The following TASOR2 variants were observed in gnomAD, a reference collection of about 807,000 sequenced individuals.
The protein encoded by TASOR2 is transcription activation suppressor family member 2, also known as protein TASOR 2.
TASOR2 carries 84 observed loss-of-function variants against 199.5 expected under a neutral mutation model. That is an observed-to-expected ratio of 0.42 (90% CI 0.35 to 0.50). The LOEUF (loss-of-function observed/expected upper bound fraction) is 0.50, where lower values mean the gene tolerates loss of function less well. TASOR2 is among the 20% of genes least tolerant of loss of function. TASOR2 has a pLI of 0.02. For missense variants in TASOR2, 2,796 were observed against 2,835.9 expected (o/e 0.99, Z 0.32); for synonymous variants, 1,103 against 1,046.6 (o/e 1.05, Z -1.04).
intron 8 of TASOR2, 23 bp downstream of exon 9, chr10:5,724,556 ATAAT>A (rs776598455): frequency 9.3e-7 from 1 of 1,069,946 alleles, no homozygotes. Flanking sequence ...AATTTAAAAT[ATAAT>A]TATTATGTTT....
intron 10 of TASOR2, among the ~76,000 whole-genome samples, chr10:5,728,932 A>G (rs1391859093): frequency 6.7e-6 from 1 of 149,932 alleles, no homozygotes; most frequent in Non-Finnish European, 1.5e-5. Context: ...TTTGTTTTTT[A>G]GTTGTAAACT....
At chr10:5,735,252 C>A in intron 11 of TASOR2, 52 bp from the exon 13 acceptor site, 1 of 1,561,598 alleles carries the variant, frequency 6.4e-7, no homozygotes, top group South Asian at 1.2e-5. Context: ...AAAAGCTATG[C>A]TAAGTATCTG....
In TASOR2 at chr10:5,710,319, C is replaced by T. The variant is rs1030344251; in HGVS notation, c.-287-2504C>T. On this transcript the variant is annotated intron_variant, in intron 1 of 20. Transcript: ENST00000328090. The surrounding 1 kb of genome is among the most constrained non-coding windows in gnomAD (Gnocchi z 4.6). The stretch of plus-strand genomic sequence containing the variant: ...CAACTTTGTTTTTAACATACCTCTG[C>T]TAACCATAAAATCACTGCTTTTATG... 6.6e-6 allele frequency among the ~76,000 whole-genome samples: 1 copy of T among 152,060 alleles called. No individual in the cohort carries two copies. The highest frequency in any genetic ancestry group is 1.5e-5 in the Non-Finnish European group (1 of 67,962).
chr10:5,730,938 G>A lies in TASOR2; in HGVS notation c.939G>A (p.Glu313=), dbSNP rs533568871. 1 of 1,614,162 alleles carries A rather than the reference G, an allele frequency of 6.2e-7. No individual in the cohort carries two copies. Among genetic ancestry groups the A allele is most frequent in the South Asian group, 1.1e-5 (1 of 91,090 alleles). The change falls in exon 11 of 21, where the codon GAG becomes GAA. Residue 313 remains glutamate (E), a synonymous_variant. Coordinates refer to ENST00000328090, the Ensembl canonical transcript of TASOR2. This position sits in a 1 kb window ranked among gnomAD's most constrained non-coding sequence, Gnocchi z 4.1. Reference sequence around the variant, plus strand: ...CAGATCCTGAATTTCTTGTCTCAGAGGCAGAAGTGAGAAAAGAAACTGAAA... The same window carrying A: ...CAGATCCTGAATTTCTTGTCTCAGAAGCAGAAGTGAGAAAAGAAACTGAAA...
chr10:5,754,884 AT>A lies in TASOR2; in HGVS notation c.6607-1728del, dbSNP rs1838663692. 1.3e-5 allele frequency among the ~76,000 whole-genome samples: 2 copies of A among 151,880 alleles called. No individual in the cohort carries two copies. The highest frequency in any genetic ancestry group is 2.9e-5 in the Non-Finnish European group (2 of 67,978). On this transcript the variant is annotated intron_variant, in intron 15 of 20. Coordinates refer to ENST00000328090, the Ensembl canonical transcript of TASOR2. This position sits in a 1 kb window ranked among gnomAD's most constrained non-coding sequence, Gnocchi z 4.3. ...CCGTGAAACCCCATCTCTACTAAAA[AT>A]ACAAAAAGAAATTAGCTGGGCGTGG...
intron 1 of TASOR2, chr10:5,712,101 A>G (rs2131549188): frequency 5.1e-6 from 1 of 194,440 alleles, no homozygotes; most frequent in African/African-American, 2.3e-5. Flanking sequence ...CTACAGTTGT[A>G]TCCACTTTTG....
In TASOR2 at chr10:5,689,528, AG is replaced by A. The variant is rs1836189337; in HGVS notation, c.-288+4355del. 6.6e-6 allele frequency among the ~76,000 whole-genome samples: 1 copy of A among 152,164 alleles called. No individual in the cohort carries two copies. The highest frequency in any genetic ancestry group is 2.1e-4 in the South Asian group (1 of 4,828). ...GGCAGAAGAATTGCTTGAACTCGGGAGGCAGAGGTTGCAGTGAGCAGAGATC... is the reference window on the plus strand; with the variant it reads ...GGCAGAAGAATTGCTTGAACTCGGGAGCAGAGGTTGCAGTGAGCAGAGATC... On this transcript the variant is annotated intron_variant, in intron 1 of 20. Coordinates refer to ENST00000328090, the Ensembl canonical transcript of TASOR2. This position sits in a 1 kb window ranked among gnomAD's most constrained non-coding sequence, Gnocchi z 4.1.
intron 15 of TASOR2, among the ~76,000 whole-genome samples, chr10:5,755,896 G>A (rs1274924992): frequency 6.6e-6 from 1 of 152,058 alleles, no homozygotes; most frequent in Non-Finnish European, 1.5e-5. Flanking sequence ...GGAGGCTGAG[G>A]TAGGAGGATT....
In TASOR2 at chr10:5,762,508, G is replaced by GATTTTT. The variant is rs1554784463; in HGVS notation, c.7175-24_7175-23insATTTTT. 116 of 488,204 alleles carry GATTTTT rather than the reference G, an allele frequency of 2.4e-4. 2 individuals are homozygous for GATTTTT. The highest frequency in any genetic ancestry group is 3.5e-4 in the Non-Finnish European group (109 of 310,156). 30.2% of individuals were successfully genotyped at this position (488,204 alleles called of 1,614,324 possible). A position where few individuals can be genotyped will look rare whatever the true frequency, so the allele number is the denominator to read the frequency against. On this transcript the variant is annotated intron_variant, in intron 19 of 20. Transcript: ENST00000328090. ...AGTACATTAATTATATTAACCAAAA[G>GATTTTT]TTGTTTTTTTTTTTTTTTAACAGAC... is the stretch of plus-strand genomic sequence containing the variant.
chr10:5,758,998 G>T lies in TASOR2; in HGVS notation c.6992+6G>T. 1 of 1,600,990 alleles carries T rather than the reference G, an allele frequency of 6.2e-7. No individual in the cohort carries two copies. The highest frequency in any genetic ancestry group is 8.6e-7 in the Non-Finnish European group (1 of 1,168,052). ...AAGCTAAAAGAAGATGAAAGGTAAG[G>T]ACTTGCTGTGTGTATGGTTCCTCCT... On this transcript the variant is annotated splice_donor_region_variant and intron_variant, in intron 18 of 20. Coordinates refer to ENST00000328090, the Ensembl canonical transcript of TASOR2.
Position 5,722,195 on chromosome 10 carries a change from C to A in TASOR2, c.146+1225C>A, listed in dbSNP as rs1437256105. ...AGGGGCCAGGCACAGTGGCTCCTGT[C>A]TGTAATGCTAGCACTTTGGGAGGCC... On this transcript the variant is annotated intron_variant, in intron 6 of 20. Coordinates refer to ENST00000328090, the Ensembl canonical transcript of TASOR2. The surrounding 1 kb of genome is among the most constrained non-coding windows in gnomAD (Gnocchi z 4.0). 6.6e-6 allele frequency among the ~76,000 whole-genome samples: 1 copy of A among 152,146 alleles called. No homozygotes were observed. Among genetic ancestry groups the A allele is most frequent in the Admixed American group, 6.6e-5 (1 of 15,266 alleles).
At chr10:5,749,020 G>C in exon 15 of TASOR2, 2 of 1,614,158 alleles carry the variant, frequency 1.2e-6, no homozygotes, top group Non-Finnish European at 1.7e-6. Flanking sequence ...AGATGGCTAT[G>C]AGTCGTCGTT....
rs1836267385 is a variant in TASOR2 at position 5,740,583 on chromosome 10, CTG to C, written c.2327+87_2327+88del. 1.2e-5 allele frequency: 17 copies of C among 1,373,912 alleles called. No homozygotes were observed. Among genetic ancestry groups the C allele is most frequent in the Non-Finnish European group, 1.6e-5 (16 of 1,009,122 alleles). The allele number at this position is 1,373,912 out of a possible 1,614,324, so 85.1% of individuals were successfully genotyped here. A position where few individuals can be genotyped will look rare whatever the true frequency, so the allele number is the denominator to read the frequency against. ...GAGATGGGGAAACTTATGCCAAACT[CTG>C]GAGAAGGAGAAAGAAGTGTTGTGTT... On this transcript the variant is annotated intron_variant, in intron 13 of 20. Coordinates refer to ENST00000328090, the Ensembl canonical transcript of TASOR2. This position sits in a 1 kb window ranked among gnomAD's most constrained non-coding sequence, Gnocchi z 5.3.
At chr10:5,704,679 A>G (rs1423078597) in intron 1 of TASOR2, among the ~76,000 whole-genome samples, 1 of 152,054 alleles carries the variant, frequency 6.6e-6, no homozygotes, top group Non-Finnish European at 1.5e-5. Context: ...TGAGTTCTTG[A>G]ATTGACCGTA....
chr10:5,724,068 C>T (rs1588730529), intron 7 of TASOR2, among the ~76,000 whole-genome samples: 1 of 152,128 alleles, frequency 6.6e-6, no homozygotes, highest in African/African-American at 2.4e-5. Context: ...CTATTCCTCT[C>T]GAGGACAGAG....
rs377020347 is a variant in TASOR2, at chr10:5,748,391, C to T, written c.4970C>T (p.Thr1657Met). ...GGATGCATGTGCTCAGTGGTCCCCA[C>T]GCTTTGTTCTTCCTCAGACAATGCT... Residue 1657 changes from threonine (T) to methionine (M), a missense_variant, in exon 15 of 21, where the codon ACG becomes ATG. Coordinates refer to ENST00000328090, the Ensembl canonical transcript of TASOR2. The surrounding 1 kb of genome is among the most constrained non-coding windows in gnomAD (Gnocchi z 5.1). The T allele has an allele frequency of 2.0e-5, 32 of 1,614,110 alleles. No homozygotes were observed. The East Asian group carries it at 2.9e-4, about 15-fold the overall frequency.
intron 13 of TASOR2, among the ~76,000 whole-genome samples, chr10:5,741,398 T>C (rs1216421035): frequency 6.6e-6 from 1 of 152,230 alleles, no homozygotes; most frequent in Non-Finnish European, 1.5e-5. Context: ...ATATGGACTC[T>C]ACAGCTGTCA....
intron 2 of TASOR2, among the ~76,000 whole-genome samples, chr10:5,715,959 G>A (rs1323338215): frequency 2.6e-5 from 4 of 152,056 alleles, no homozygotes; most frequent in African/African-American, 9.7e-5. Context: ...TTACTCATGT[G>A]AACATCACAG....
At chr10:5,707,988 A>T (rs981640484) in intron 1 of TASOR2, among the ~76,000 whole-genome samples, 1 of 152,126 alleles carries the variant, frequency 6.6e-6, no homozygotes, top group Non-Finnish European at 1.5e-5. Flanking sequence ...AACCTCCTTC[A>T]TGAATTATTA....
Sources: gnomAD v4.1 joint callset for allele counts (sites outside exome capture counted in the v4.1 genomes callset) on GRCh38, gnomAD v4.1.1 for gene constraint, Gnocchi (gnomAD v3.1) non-coding constraint, MANE v1.5 for transcripts, NCBI Gene and HGNC (gene_info 2026-07-23, HGNC 2026-07-21) for gene names.